FAM120B: variants seen among roughly 807,000 people sequenced by gnomAD.
The protein encoded by FAM120B is family with sequence similarity 120 member B, also known as constitutive coactivator of peroxisome proliferator-activated receptor gamma.
In FAM120B, 83 loss-of-function variants were observed where a neutral mutation model predicts 96.3. The observed-to-expected ratio is 0.86, with a 90% confidence interval of 0.72 to 1.03. The LOEUF (loss-of-function observed/expected upper bound fraction) is 1.03. Among genes scored for constraint, FAM120B ranks in the 50% least tolerant of loss-of-function variants. The probability of loss-of-function intolerance (pLI) is 0.00; values close to 1 mark genes in which losing one functional copy is unlikely to be tolerated. For synonymous variants in FAM120B, 407 were observed against 402.7 expected (o/e 1.01, Z -0.13); for missense variants, 1,027 against 1,121.2 (o/e 0.92, Z 1.20).
chr6:170,361,726 A>G (rs1293319778), intron 6 of FAM120B, among the ~76,000 whole-genome samples: 7 of 152,234 alleles, frequency 4.6e-5, no homozygotes, highest in East Asian at 1.9e-4. Flanking sequence ...CTTCATACAT[A>G]GTGTGTACAA....
intron 5 of FAM120B, among the ~76,000 whole-genome samples, chr6:170,353,662 C>A (rs745982399): frequency 4.6e-5 from 7 of 152,096 alleles, no homozygotes; most frequent in Non-Finnish European, 7.4e-5. Context: ...AAATAAACTC[C>A]CATTCACAAT....
intron 4 of FAM120B, among the ~76,000 whole-genome samples, chr6:170,337,913 T>G (rs1786547842): frequency 6.6e-6 from 1 of 152,178 alleles, no homozygotes; most frequent in African/African-American, 2.4e-5. Flanking sequence ...GTTTGATTAT[T>G]CTCTGTTTTC....
intron 1 of FAM120B, among the ~76,000 whole-genome samples, chr6:170,309,637 CTGT>C (rs1369895662): frequency 6.6e-6 from 1 of 152,206 alleles, no homozygotes; most frequent in Non-Finnish European, 1.5e-5. Context: ...AGTGTTAATA[CTGT>C]TCCTATTAGG....
At chr6:170,311,478 A>C (rs1224083999) in intron 1 of FAM120B, among the ~76,000 whole-genome samples, 1 of 152,236 alleles carries the variant, frequency 6.6e-6, no homozygotes, top group African/African-American at 2.4e-5. Context: ...ATTTGAAAAA[A>C]GATACCTTGC....
intron 8 of FAM120B, among the ~76,000 whole-genome samples, chr6:170,391,613 G>T (rs545037409): frequency 1.1e-3 from 164 of 152,166 alleles, no homozygotes; most frequent in Non-Finnish European, 1.7e-3. Flanking sequence ...GAAAGGATTC[G>T]CTCATTAATT....
In FAM120B at chr6:170,388,270, T is replaced by C; in HGVS notation, c.2284-17T>C. On this transcript the variant is annotated splice_polypyrimidine_tract_variant and intron_variant, in intron 6 of 10. Coordinates refer to ENST00000476287, the MANE Select transcript of FAM120B (RefSeq NM_032448.3). ...ACTCCTGTCTTACATTTTTGGTGTG[T>C]GTTCTGGTCTCCACAGCCTGATTAC... 1 of 1,611,626 alleles carries C rather than the reference T, an allele frequency of 6.2e-7. No individual in the cohort carries two copies. The highest frequency in any genetic ancestry group is 1.3e-5 in the African/African-American group (1 of 74,936).
upstream of FAM120B, chr6:170,291,101 C>T: frequency 8.7e-6 from 6 of 687,608 alleles, no homozygotes; most frequent in Non-Finnish European, 1.1e-5. Flanking sequence ...GTGCAACCCT[C>T]CTCCCCGCCC....
chr6:170,382,083 T>C (rs1016031616), intron 6 of FAM120B, among the ~76,000 whole-genome samples: 18 of 152,066 alleles, frequency 1.2e-4, no homozygotes, highest in African/African-American at 4.3e-4. Context: ...TATTTGCAAA[T>C]GACATGATTC....
intron 2 of FAM120B, among the ~76,000 whole-genome samples, chr6:170,319,880 CAT>C (rs1054835559): frequency 1.4e-4 from 21 of 152,222 alleles, no homozygotes; most frequent in Non-Finnish European, 2.6e-4. Context: ...GGTGGACAAT[CAT>C]AGCCAAATTG....
At chr6:170,394,942 A>T (rs568496893) in intron 8 of FAM120B, among the ~76,000 whole-genome samples, 1 of 152,376 alleles carries the variant, frequency 6.6e-6, no homozygotes, top group East Asian at 1.9e-4. Flanking sequence ...AGCACCATGG[A>T]CTATCACGAT....
intron 4 of FAM120B, among the ~76,000 whole-genome samples, chr6:170,335,643 A>G (rs1225891242): frequency 6.6e-6 from 1 of 152,188 alleles, no homozygotes; most frequent in Non-Finnish European, 1.5e-5. Flanking sequence ...GTCTTCCACA[A>G]TGGTTGAACT....
Position 170,406,312 on chromosome 6 carries a change from A to C in FAM120B, c.*1561A>C. 6.6e-6 allele frequency: 1 copy of C among 152,208 alleles called. No homozygotes were observed. Among genetic ancestry groups the C allele is most frequent in the South Asian group, 2.1e-4 (1 of 4,828 alleles). The allele number at this position is 152,208 out of a possible 1,614,324, so 9.4% of individuals were successfully genotyped here. ...GGCTCTGAAGATGCCCCGTGTTCTT[A>C]GGAGGTGCTCACCCCTGGCACCTAA... On this transcript the variant is annotated 3_prime_UTR_variant, in exon 11 of 11. Coordinates refer to ENST00000476287, the MANE Select transcript of FAM120B (RefSeq NM_032448.3).
At position 170,343,348 on chromosome 6, in the gene FAM120B, CA is replaced by C. The variant is rs544432307; in HGVS notation, c.2018-4798del. On this transcript the variant is annotated intron_variant, in intron 4 of 10. Coordinates refer to ENST00000476287, the MANE Select transcript of FAM120B (RefSeq NM_032448.3). ...CCGTTGTGGTAGTAGCATTAAAAGACAAAAACCTTGGAGTATATTATCTTCC... is the reference window on the plus strand; with the variant it reads ...CCGTTGTGGTAGTAGCATTAAAAGACAAAACCTTGGAGTATATTATCTTCC... Among the ~76,000 whole-genome samples, 350 of 151,972 alleles carry C rather than the reference CA, an allele frequency of 2.3e-3. 5 individuals are homozygous for C. Among genetic ancestry groups the C allele is most frequent in the African/African-American group, 7.9e-3 (326 of 41,264 alleles).
At chr6:170,344,769 C>T (rs1413230009) in intron 4 of FAM120B, among the ~76,000 whole-genome samples, 1 of 152,212 alleles carries the variant, frequency 6.6e-6, no homozygotes, top group Non-Finnish European at 1.5e-5. Flanking sequence ...GTCAGCTTCC[C>T]ACTGCTGCCA....
intron 2 of FAM120B, 74 bp downstream of exon 2, chr6:170,319,198 T>G: frequency 7.1e-7 from 1 of 1,411,792 alleles, no homozygotes; most frequent in Non-Finnish European, 9.5e-7. Context: ...TGAAGATCCA[T>G]TACTGCCTCA....
chr6:170,354,334 G>A (rs1472960604), intron 5 of FAM120B, among the ~76,000 whole-genome samples: 1 of 152,106 alleles, frequency 6.6e-6, no homozygotes, highest in Non-Finnish European at 1.5e-5. Context: ...GAAAATCTAG[G>A]CAATACCATT....
At chr6:170,329,839 T>C (rs1785886565) in intron 3 of FAM120B, among the ~76,000 whole-genome samples, 1 of 152,160 alleles carries the variant, frequency 6.6e-6, no homozygotes. Context: ...CATCAAGGCC[T>C]GCTTCCCCCA....
At chr6:170,402,154 C>T (rs1778619400) in intron 9 of FAM120B, among the ~76,000 whole-genome samples, 1 of 152,272 alleles carries the variant, frequency 6.6e-6, no homozygotes. Flanking sequence ...ACGAAGGCCC[C>T]TGTTTGTGCG....
At chr6:170,332,372 A>G (rs1231711779) in intron 4 of FAM120B, among the ~76,000 whole-genome samples, 1 of 152,224 alleles carries the variant, frequency 6.6e-6, no homozygotes, top group African/African-American at 2.4e-5. Flanking sequence ...TTGCCTGTCA[A>G]GTATTCACAT....
Sources: allele counts gnomAD v4.1 joint callset (sites outside exome capture counted in the v4.1 genomes callset), GRCh38; gene constraint gnomAD v4.1.1; transcripts MANE v1.5; gene names NCBI Gene and HGNC (gene_info 2026-07-23, HGNC 2026-07-21).